The following FRAS1 variants were observed in gnomAD, a reference collection of about 807,000 sequenced individuals.
The protein encoded by FRAS1 is Fraser extracellular matrix complex subunit 1.
FRAS1 carries 290 observed loss-of-function variants against 435.2 expected under a neutral mutation model. That is an observed-to-expected ratio of 0.67 (90% CI 0.61 to 0.73). FRAS1 has a LOEUF of 0.73. Among genes scored for constraint, FRAS1 ranks in the 30% least tolerant of loss-of-function variants. FRAS1 has a pLI of 0.00. For missense variants in FRAS1, 4,860 were observed against 5,001.5 expected, an observed-to-expected ratio of 0.97 and a Z score of 0.85; for synonymous variants, 1,800 against 1,851.0, an observed-to-expected ratio of 0.97 and a Z score of 0.71.
intron 32 of FRAS1, among the ~76,000 whole-genome samples, chr4:78,417,648 T>C (rs1733604703): frequency 6.6e-6 from 1 of 152,238 alleles, no homozygotes; most frequent in Non-Finnish European, 1.5e-5. Context: ...GGGATTGTTC[T>C]AACCTGCAAA....
At chr4:78,155,008 G>T (rs1475975594) in intron 2 of FRAS1, among the ~76,000 whole-genome samples, 1 of 152,152 alleles carries the variant, frequency 6.6e-6, no homozygotes, top group Non-Finnish European at 1.5e-5. Context: ...TTTAATGATT[G>T]ATATTATTTT....
intron 2 of FRAS1, among the ~76,000 whole-genome samples, chr4:78,138,754 G>T (rs1021731117): frequency 6.6e-6 from 1 of 152,140 alleles, no homozygotes. Flanking sequence ...TATGAGATAA[G>T]GTGGGCCCCT....
chr4:78,068,682 C>A (rs746211793), intron 2 of FRAS1: 6 of 429,682 alleles, frequency 1.4e-5, no homozygotes, highest in Admixed American at 2.6e-5. Context: ...TAAAAAGACT[C>A]CATAGGGGTG....
intron 18 of FRAS1, among the ~76,000 whole-genome samples, chr4:78,329,311 C>T (rs926954133): frequency 2.6e-5 from 4 of 152,162 alleles, no homozygotes; most frequent in South Asian, 4.1e-4. Flanking sequence ...ATCTGGATTC[C>T]GGTAACTTTA....
At chr4:78,534,682 C>G in intron 71 of FRAS1, 67 bp downstream of exon 71, 1 of 1,466,148 alleles carries the variant, frequency 6.8e-7, no homozygotes, top group Non-Finnish European at 9.4e-7. Flanking sequence ...GCTAAGTCAC[C>G]GGACTGGCAT....
At chr4:78,407,274 G>A (rs1387806446) in intron 30 of FRAS1, among the ~76,000 whole-genome samples, 2 of 152,116 alleles carry the variant, frequency 1.3e-5, no homozygotes, top group African/African-American at 2.4e-5. Context: ...AAACTTCCTG[G>A]CTGGAAAACA....
chr4:78,191,678 C>G (rs1722540722), intron 2 of FRAS1, among the ~76,000 whole-genome samples: 1 of 151,880 alleles, frequency 6.6e-6, no homozygotes, highest in Non-Finnish European at 1.5e-5. Context: ...TCTCCTAATG[C>G]TATCCCTCCC....
At chr4:78,291,334 T>C (rs921205650) in intron 14 of FRAS1, among the ~76,000 whole-genome samples, 2 of 152,078 alleles carry the variant, frequency 1.3e-5, no homozygotes, top group Admixed American at 6.6e-5. Context: ...TCATCAGGCA[T>C]TAGTTAGATT....
intron 49 of FRAS1, among the ~76,000 whole-genome samples, chr4:78,465,863 T>A (rs1719510609): frequency 6.6e-6 from 1 of 152,204 alleles, no homozygotes; most frequent in Non-Finnish European, 1.5e-5. Context: ...ATTCTGTATA[T>A]AAGAGTTTTG....
chr4:78,066,761 A>G (rs1740060208), intron 2 of FRAS1, among the ~76,000 whole-genome samples: 1 of 152,212 alleles, frequency 6.6e-6, no homozygotes, highest in Non-Finnish European at 1.5e-5. Context: ...GAATTTGCTC[A>G]TTTACATCAC....
At chr4:78,113,766 C>T (rs779926837) in intron 2 of FRAS1, among the ~76,000 whole-genome samples, 16 of 152,054 alleles carry the variant, frequency 1.1e-4, no homozygotes, top group East Asian at 9.6e-4. Context: ...AATTTTCTCC[C>T]GTTCTGTAGG....
intron 6 of FRAS1, among the ~76,000 whole-genome samples, chr4:78,261,243 A>G (rs1437449791): frequency 2.0e-5 from 3 of 151,828 alleles, no homozygotes; most frequent in Middle Eastern, 3.4e-3. Context: ...TTGATTTTTT[A>G]TTGCTTCCTG....
intron 5 of FRAS1, 27 bp downstream of exon 5, chr4:78,252,578 C>T (rs1725595915): frequency 1.3e-6 from 2 of 1,598,536 alleles, no homozygotes; most frequent in Non-Finnish European, 1.7e-6. Context: ...AGAAGGGGAC[C>T]CTCTTTGCTT....
At chr4:78,301,179 C>A (rs1728374615) in intron 14 of FRAS1, among the ~76,000 whole-genome samples, 1 of 152,206 alleles carries the variant, frequency 6.6e-6, no homozygotes, top group Non-Finnish European at 1.5e-5. Context: ...TTCATTCTAC[C>A]TACCAATTTT....
At chr4:78,103,248 A>G (rs1255569713) in intron 2 of FRAS1, among the ~76,000 whole-genome samples, 1 of 152,202 alleles carries the variant, frequency 6.6e-6, no homozygotes, top group Admixed American at 6.5e-5. Context: ...AACAATTTTA[A>G]TTGTTAAGTA....
At chr4:78,346,210 T>C (rs1730599258) in intron 20 of FRAS1, among the ~76,000 whole-genome samples, 1 of 152,230 alleles carries the variant, frequency 6.6e-6, no homozygotes, top group African/African-American at 2.4e-5. Context: ...AGTGAATTGA[T>C]TGCAAACATG....
At chr4:78,522,913 TA>T in intron 69 of FRAS1, 105 bp downstream of exon 69, 1 of 1,051,736 alleles carries the variant, frequency 9.5e-7, no homozygotes, top group Non-Finnish European at 1.3e-6. Context: ...ACTTTTATTT[TA>T]AAAGGGGAAT....
chr4:78,510,486 C>G (rs913334657), intron 63 of FRAS1, among the ~76,000 whole-genome samples: 3 of 152,122 alleles, frequency 2.0e-5, no homozygotes, highest in Non-Finnish European at 2.9e-5. Context: ...TAATGGACTT[C>G]AGTGAAAATT....
At chr4:78,158,130 CT>C (rs1720973045) in intron 2 of FRAS1, among the ~76,000 whole-genome samples, 1 of 152,062 alleles carries the variant, frequency 6.6e-6, no homozygotes, top group Non-Finnish European at 1.5e-5. Flanking sequence ...GGCTTTACTC[CT>C]TTTGCTTAAG....
Sources: allele counts gnomAD v4.1 joint callset (sites outside exome capture counted in the v4.1 genomes callset), GRCh38; gene constraint gnomAD v4.1.1; transcripts MANE v1.5; gene names NCBI Gene and HGNC (gene_info 2026-07-23, HGNC 2026-07-21).